CAMK1D: variants seen among roughly 807,000 people sequenced by gnomAD.
CAMK1D encodes calcium/calmodulin-dependent protein kinase type 1D.
A neutral mutation model predicts 47.7 loss-of-function variants in CAMK1D; 9 were observed. The ratio of observed to expected loss-of-function variants is 0.19; its 90% CI spans 0.11 to 0.33. The LOEUF is 0.33. Among genes scored for constraint, CAMK1D ranks in the 10% least tolerant of loss-of-function variants. The pLI is 1.00. For synonymous variants in CAMK1D, 184 were observed against 184.9 expected, an observed-to-expected ratio of 0.99 and a Z score of 0.04; for missense variants, 291 against 488.7, an observed-to-expected ratio of 0.60 and a Z score of 3.81.
chr10:12,431,260 C>T (rs1467765236), intron 1 of CAMK1D, among the ~76,000 whole-genome samples: 1 of 152,198 alleles, frequency 6.6e-6, no homozygotes, highest in Non-Finnish European at 1.5e-5. Context: ...CACATCTCAC[C>T]TCCACTGCTG....
rs143351467 is a variant in CAMK1D at position 12,353,988 on chromosome 10, G to A, written c.92+4078G>A. ...AGTATATGGATGGGAGGAAAGCTTC[G>A]GTGTGGTGTCTAGGAAGCACCCTAG... On this transcript the variant is annotated intron_variant, in intron 1 of 10. Transcript: ENST00000619168. 1.2e-3 allele frequency among the ~76,000 whole-genome samples: 180 copies of A among 152,134 alleles called. 1 individual carries two copies. Among genetic ancestry groups the A allele is most frequent in the African/African-American group, 4.1e-3 (169 of 41,512 alleles).
chr10:12,414,237 G>A lies in CAMK1D; in HGVS notation c.92+64327G>A, dbSNP rs1839768898. ...TAGGAGGCATGCGTTTATTAGTTTT[G>A]CTGAGTCTTGGATGTTTTATAACGT... On this transcript the variant is annotated intron_variant, in intron 1 of 10. Transcript: ENST00000619168. Among the ~76,000 whole-genome samples the A allele has an allele frequency of 3.3e-5, 5 of 152,202 alleles. No individual in the cohort carries two copies. In the South Asian group the frequency reaches 1.0e-3, roughly 31 times the overall value.
rs367970593 is a variant in CAMK1D at position 12,388,902 on chromosome 10, G to A, written c.92+38992G>A. 5.9e-5 allele frequency among the ~76,000 whole-genome samples: 9 copies of A among 152,312 alleles called. No individual in the cohort carries two copies. The East Asian group carries it at 7.7e-4, about 13-fold the overall frequency. On this transcript the variant is annotated intron_variant, in intron 1 of 10. Coordinates refer to ENST00000619168, the MANE Select transcript of CAMK1D (RefSeq NM_153498.4). Reference sequence around the variant, plus strand: ...GTCGTGCTGTTCTAGAAAGCCTGTCGTTGGAGGAAAACACTTGATGAGCCT... The same window carrying A: ...GTCGTGCTGTTCTAGAAAGCCTGTCATTGGAGGAAAACACTTGATGAGCCT...
At chr10:12,388,814 C>T (rs45504496) in intron 1 of CAMK1D, among the ~76,000 whole-genome samples, 141 of 152,254 alleles carry the variant, frequency 9.3e-4, no homozygotes, top group Middle Eastern at 3.4e-3. Flanking sequence ...ACCATCCCAC[C>T]GCTTAGGAAG....
At chr10:12,624,797 C>A (rs910172763) in intron 2 of CAMK1D, among the ~76,000 whole-genome samples, 1 of 152,140 alleles carries the variant, frequency 6.6e-6, no homozygotes, top group African/African-American at 2.4e-5. Flanking sequence ...CTCTTGAACC[C>A]CTTTAAGCCT....
chr10:12,422,138 T>C (rs1840074069), intron 1 of CAMK1D, among the ~76,000 whole-genome samples: 2 of 152,200 alleles, frequency 1.3e-5, no homozygotes, highest in Non-Finnish European at 2.9e-5. Context: ...CTCCTGATCA[T>C]GCCCTTGTGG....
At chr10:12,718,550 C>T (rs1834245673) in intron 3 of CAMK1D, among the ~76,000 whole-genome samples, 2 of 152,152 alleles carry the variant, frequency 1.3e-5, no homozygotes, top group African/African-American at 4.8e-5. Flanking sequence ...AATAAATGGA[C>T]TTTTCCCGAG....
At chr10:12,392,115 C>G (rs1470105691) in intron 1 of CAMK1D, among the ~76,000 whole-genome samples, 3 of 151,818 alleles carry the variant, frequency 2.0e-5, no homozygotes, top group African/African-American at 7.3e-5. Context: ...CCAGCCTGAC[C>G]AACATGGTGA....
At chr10:12,610,924 G>A (rs60824310) in intron 2 of CAMK1D, among the ~76,000 whole-genome samples, 8,446 of 152,180 alleles carry the variant, frequency 0.056, 588 homozygotes, top group African/African-American at 0.16. Flanking sequence ...TTGGAGACCC[G>A]ATAACCCCTT....
chr10:12,398,210 T>C (rs11592475), intron 1 of CAMK1D, among the ~76,000 whole-genome samples: 27,739 of 152,186 alleles, frequency 0.18, 3,040 homozygotes, highest in Non-Finnish European at 0.23. Flanking sequence ...TCATTCTTTT[T>C]TTTTCTTTAG....
intron 2 of CAMK1D, among the ~76,000 whole-genome samples, chr10:12,614,746 C>T (rs763920222): frequency 2.6e-5 from 4 of 152,220 alleles, no homozygotes; most frequent in Admixed American, 6.5e-5. Context: ...GGTGCACCCT[C>T]ACCCTCCACA....
chr10:12,357,572 T>C (rs1455553298), intron 1 of CAMK1D, among the ~76,000 whole-genome samples: 4 of 152,204 alleles, frequency 2.6e-5, no homozygotes, highest in African/African-American at 7.2e-5. Context: ...CACCTCAGCC[T>C]CACAAAGTGG....
chr10:12,641,357 C>T (rs1218036326), intron 2 of CAMK1D, among the ~76,000 whole-genome samples: 1 of 152,142 alleles, frequency 6.6e-6, no homozygotes, highest in Admixed American at 6.5e-5. Flanking sequence ...CACGGTGGCT[C>T]ATGCCTGTAA....
chr10:12,588,889 CGT>C (rs1191222767), intron 2 of CAMK1D, among the ~76,000 whole-genome samples: 65 of 147,348 alleles, frequency 4.4e-4, no homozygotes, highest in Non-Finnish European at 5.9e-4. Context: ...TGTGTGCGTG[CGT>C]GTGTGTGTGT....
At chr10:12,489,795 A>C (rs1039716845) in intron 1 of CAMK1D, among the ~76,000 whole-genome samples, 3 of 152,084 alleles carry the variant, frequency 2.0e-5, no homozygotes, top group African/African-American at 7.2e-5. Flanking sequence ...ACTCTCACAG[A>C]AGTTTGCCTG....
At chr10:12,356,627 C>T (rs1480506649) in intron 1 of CAMK1D, among the ~76,000 whole-genome samples, 1 of 146,498 alleles carries the variant, frequency 6.8e-6, no homozygotes, top group Admixed American at 7.2e-5. Flanking sequence ...GAGGCCGAGG[C>T]AGGAGAATCG....
chr10:12,803,101 T>C (rs763453235), intron 6 of CAMK1D, among the ~76,000 whole-genome samples: 2 of 152,222 alleles, frequency 1.3e-5, no homozygotes, highest in Non-Finnish European at 2.9e-5. Flanking sequence ...CATCTGGAAA[T>C]TGAAGATTGA....
chr10:12,410,389 G>C (rs1269905715), intron 1 of CAMK1D, among the ~76,000 whole-genome samples: 1 of 152,152 alleles, frequency 6.6e-6, no homozygotes, highest in Non-Finnish European at 1.5e-5. Flanking sequence ...TACAGGTGCA[G>C]GGGTGAAACT....
intron 3 of CAMK1D, among the ~76,000 whole-genome samples, chr10:12,705,265 A>G (rs1395937170): frequency 2.0e-5 from 3 of 152,162 alleles, no homozygotes; most frequent in Non-Finnish European, 4.4e-5. Context: ...GTTTGAGACC[A>G]TCCTGGCCAA....
Sources: gnomAD v4.1 joint callset for allele counts (sites outside exome capture counted in the v4.1 genomes callset) on GRCh38, gnomAD v4.1.1 for gene constraint, MANE v1.5 for transcripts, NCBI Gene and HGNC (gene_info 2026-07-23, HGNC 2026-07-21) for gene names.